Variants in CDH18 observed in about 807,000 individuals in gnomAD.
The protein encoded by CDH18 is cadherin 18.
Under a neutral mutation model 67.9 loss-of-function variants are expected in CDH18, and 31 were observed. That is an observed-to-expected ratio of 0.46 (90% CI 0.34 to 0.62). The LOEUF (loss-of-function observed/expected upper bound fraction) is 0.62. CDH18 is among the 20% of genes least tolerant of loss of function. CDH18 has a pLI of 0.01. For missense variants in CDH18, 890 were observed against 975.5 expected, an observed-to-expected ratio of 0.91 and a Z score of 1.17; for synonymous variants, 362 against 347.2, an observed-to-expected ratio of 1.04 and a Z score of -0.48.
intron 5 of CDH18, among the ~76,000 whole-genome samples, chr5:19,694,201 G>C (rs1294450139): frequency 6.6e-6 from 1 of 152,004 alleles, no homozygotes; most frequent in Non-Finnish European, 1.5e-5. Context: ...ATGTATAAAG[G>C]CAAATCTAAT....
chr5:19,976,903 T>A (rs2150351078), intron 2 of CDH18, among the ~76,000 whole-genome samples: 1 of 152,168 alleles, frequency 6.6e-6, no homozygotes, highest in Non-Finnish European at 1.5e-5. Context: ...TAAGTAAGGA[T>A]TAAGTAGAGT....
At chr5:19,717,496 T>A (rs1475477877) in intron 5 of CDH18, among the ~76,000 whole-genome samples, 1 of 152,062 alleles carries the variant, frequency 6.6e-6, no homozygotes, top group Non-Finnish European at 1.5e-5. Flanking sequence ...GGGAACTAGT[T>A]CTTTTGTGTA....
chr5:19,915,512 T>C (rs1791666256), intron 2 of CDH18, among the ~76,000 whole-genome samples: 1 of 152,168 alleles, frequency 6.6e-6, no homozygotes, highest in Non-Finnish European at 1.5e-5. Context: ...TACTGTTGAC[T>C]GGAAGCCTTC....
intron 2 of CDH18, among the ~76,000 whole-genome samples, chr5:19,958,856 G>C (rs1333665791): frequency 6.6e-6 from 1 of 152,090 alleles, no homozygotes; most frequent in Non-Finnish European, 1.5e-5. Context: ...TTCCAGAGCA[G>C]TGTGAAGTGG....
chr5:19,783,689 G>A (rs377107092), intron 3 of CDH18, among the ~76,000 whole-genome samples: 7 of 152,102 alleles, frequency 4.6e-5, no homozygotes, highest in African/African-American at 1.4e-4. Context: ...TGTGTCTTTC[G>A]TTGGGGCTTG....
chr5:20,215,049 A>G (rs1295687968), intron 2 of CDH18, among the ~76,000 whole-genome samples: 2 of 152,068 alleles, frequency 1.3e-5, no homozygotes, highest in Admixed American at 1.3e-4. Flanking sequence ...ACACTTTTCA[A>G]AAGAAGACAT....
intron 2 of CDH18, among the ~76,000 whole-genome samples, chr5:19,920,901 A>G (rs1049150534): frequency 5.7e-4 from 86 of 151,594 alleles, no homozygotes; most frequent in African/African-American, 2.0e-3. Flanking sequence ...GAGCACACAC[A>G]CACACACACA....
At chr5:20,123,393 G>A (rs1043632484) in intron 2 of CDH18, among the ~76,000 whole-genome samples, 1 of 152,124 alleles carries the variant, frequency 6.6e-6, no homozygotes, top group Non-Finnish European at 1.5e-5. Flanking sequence ...AGGCCTGTAC[G>A]TGAGGGACAA....
In CDH18 at chr5:19,949,974, T is replaced by C. The variant is rs200663522; in HGVS notation, c.-257+31086A>G. On this transcript the variant is annotated intron_variant, in intron 2 of 12. Transcript: ENST00000382275. Reference sequence around the variant, plus strand: ...AATCAAGTGAATAAAGAAAATATGATATATATATATATATTAAATAGACAC... The same window carrying C: ...AATCAAGTGAATAAAGAAAATATGACATATATATATATATTAAATAGACAC... 1.0e-3 allele frequency among the ~76,000 whole-genome samples: 28 copies of C among 27,672 alleles called. 1 individual carries two copies. The East Asian group carries it at 0.013, about 13-fold the overall frequency. The allele number at this position is 27,672 out of a possible 152,430, so 18.2% of individuals were successfully genotyped here.
chr5:20,452,311 T>C (rs901708417), intron 1 of CDH18, among the ~76,000 whole-genome samples: 1 of 152,072 alleles, frequency 6.6e-6, no homozygotes, highest in Non-Finnish European at 1.5e-5. Flanking sequence ...ACTTCTTCCA[T>C]AAAGAAAAGG....
intron 10 of CDH18, among the ~76,000 whole-genome samples, chr5:19,504,854 T>C (rs761272048): frequency 1.3e-5 from 2 of 152,106 alleles, no homozygotes; most frequent in Non-Finnish European, 2.9e-5. Context: ...TTCGGAGTGA[T>C]TGGTGAAGAA....
chr5:19,739,154 C>T (rs1029323866), intron 4 of CDH18, among the ~76,000 whole-genome samples: 4 of 151,990 alleles, frequency 2.6e-5, no homozygotes, highest in African/African-American at 4.8e-5. Context: ...TTCCTCTAGA[C>T]GTAATTGTAG....
chr5:19,924,177 CA>C (rs11305454), intron 2 of CDH18, among the ~76,000 whole-genome samples: 129,485 of 152,070 alleles, frequency 0.85, 56,218 homozygotes, highest in South Asian at 0.95. Context: ...GGGCAACAAT[CA>C]GGGGAGAGGT....
intron 1 of CDH18, among the ~76,000 whole-genome samples, chr5:20,433,558 A>C (rs1748940629): frequency 6.6e-6 from 1 of 152,076 alleles, no homozygotes; most frequent in South Asian, 2.1e-4. Context: ...AGAAGGTGTT[A>C]ATATGTTATT....
chr5:20,259,304 T>C (rs1223517039), intron 1 of CDH18, among the ~76,000 whole-genome samples: 2 of 152,142 alleles, frequency 1.3e-5, no homozygotes, highest in African/African-American at 2.4e-5. Context: ...AGCAAAACCA[T>C]GTACTGTCGT....
intron 3 of CDH18, among the ~76,000 whole-genome samples, chr5:19,781,577 T>A (rs547688930): frequency 2.0e-5 from 3 of 152,296 alleles, no homozygotes; most frequent in South Asian, 2.1e-4. Flanking sequence ...GGGGTTTTTT[T>A]ATTATATAAA....
chr5:20,171,145 T>C (rs1046461390), intron 2 of CDH18, among the ~76,000 whole-genome samples: 17 of 152,136 alleles, frequency 1.1e-4, no homozygotes, highest in Non-Finnish European at 2.2e-4. Flanking sequence ...TGATTCCATG[T>C]CTTTGCTATT....
At chr5:20,475,190 G>A (rs56392947) in intron 1 of CDH18, among the ~76,000 whole-genome samples, 8,369 of 152,068 alleles carry the variant, frequency 0.055, 765 homozygotes, top group African/African-American at 0.19. Flanking sequence ...TAATAAAAAT[G>A]TGTCTCAATT....
intron 2 of CDH18, among the ~76,000 whole-genome samples, chr5:19,876,650 T>C (rs868002356): frequency 6.7e-6 from 1 of 149,136 alleles, no homozygotes; most frequent in Non-Finnish European, 1.5e-5. Flanking sequence ...TGGAGAAGAC[T>C]ATTATCCAGG....
Sources: gnomAD v4.1 joint callset for allele counts (sites outside exome capture counted in the v4.1 genomes callset) on GRCh38, gnomAD v4.1.1 for gene constraint, MANE v1.5 for transcripts, NCBI Gene and HGNC (gene_info 2026-07-23, HGNC 2026-07-21) for gene names.